Variants in ZFPM2 observed in about 807,000 individuals in gnomAD.
The protein encoded by ZFPM2 is zinc finger protein, FOG family member 2, also known as zinc finger protein ZFPM2.
Under a neutral mutation model 98.6 loss-of-function variants are expected in ZFPM2, and 20 were observed. The observed-to-expected ratio is 0.20, with a 90% CI of 0.14 to 0.29. The LOEUF (loss-of-function observed/expected upper bound fraction) is 0.29, where lower values mean the gene tolerates loss of function less well. ZFPM2 is among the 10% of genes least tolerant of loss of function. The probability of loss-of-function intolerance (pLI) is 1.00; values close to 1 mark genes in which losing one functional copy is unlikely to be tolerated. For synonymous variants in ZFPM2, 518 were observed against 502.7 expected (o/e 1.03, Z -0.41); for missense variants, 1,310 against 1,388.6 (o/e 0.94, Z 0.90).
At chr8:105,751,800 A>C (rs1812483972) in intron 5 of ZFPM2, among the ~76,000 whole-genome samples, 1 of 151,992 alleles carries the variant, frequency 6.6e-6, no homozygotes, top group Non-Finnish European at 1.5e-5. Context: ...TTGTTAAAAA[A>C]AAAAAAAAAG....
intron 5 of ZFPM2, among the ~76,000 whole-genome samples, chr8:105,696,793 A>G (rs1811028175): frequency 6.6e-6 from 1 of 152,160 alleles, no homozygotes; most frequent in Non-Finnish European, 1.5e-5. Flanking sequence ...CAGTTTCTGC[A>G]TGTAATTTTG....
At chr8:105,330,499 A>G (rs1318985923) in intron 1 of ZFPM2, among the ~76,000 whole-genome samples, 1 of 147,110 alleles carries the variant, frequency 6.8e-6, no homozygotes, top group Non-Finnish European at 1.5e-5. Flanking sequence ...TCTTCTATAT[A>G]GATTTATATG....
intron 1 of ZFPM2, among the ~76,000 whole-genome samples, chr8:105,402,915 A>G (rs528628464): frequency 6.6e-6 from 1 of 152,222 alleles, no homozygotes; most frequent in East Asian, 1.9e-4. Flanking sequence ...AACATTACAC[A>G]TAAATTTCAG....
intron 6 of ZFPM2, among the ~76,000 whole-genome samples, chr8:105,795,021 C>T (rs1057389762): frequency 2.6e-5 from 4 of 152,158 alleles, no homozygotes; most frequent in Non-Finnish European, 4.4e-5. Flanking sequence ...ACTCCTTGAC[C>T]CCTTGCGCTT....
At chr8:105,453,181 G>A (rs903387071) in intron 3 of ZFPM2, among the ~76,000 whole-genome samples, 2 of 152,126 alleles carry the variant, frequency 1.3e-5, no homozygotes, top group Admixed American at 6.6e-5. Context: ...TACATATTTA[G>A]TATTAACTAT....
chr8:105,601,109 C>T (rs763844580), intron 4 of ZFPM2, among the ~76,000 whole-genome samples: 3 of 152,090 alleles, frequency 2.0e-5, no homozygotes, highest in Non-Finnish European at 4.4e-5. Flanking sequence ...TGCTCCTGAA[C>T]TTATACTTGG....
intron 3 of ZFPM2, among the ~76,000 whole-genome samples, chr8:105,474,564 G>A (rs1812976085): frequency 6.6e-6 from 1 of 151,896 alleles, no homozygotes; most frequent in Non-Finnish European, 1.5e-5. Context: ...AAAATAAGAA[G>A]CAAGTTATCT....
At chr8:105,427,931 TCTTC>T (rs2130125814) in intron 2 of ZFPM2, among the ~76,000 whole-genome samples, 1 of 152,332 alleles carries the variant, frequency 6.6e-6, no homozygotes, top group South Asian at 2.1e-4. Flanking sequence ...AAGTCAGACA[TCTTC>T]CTGTGTATGT....
chr8:105,631,342 A>G (rs1258449040), intron 4 of ZFPM2, among the ~76,000 whole-genome samples: 2 of 152,198 alleles, frequency 1.3e-5, no homozygotes, highest in Admixed American at 6.5e-5. Flanking sequence ...AATAATATTA[A>G]TGATGATTAT....
chr8:105,387,375 G>T, intron 1 of ZFPM2: 1 of 160,984 alleles, frequency 6.2e-6, no homozygotes. Context: ...GCGCCGTAGA[G>T]CAGGCGGCAG....
intron 4 of ZFPM2, among the ~76,000 whole-genome samples, chr8:105,598,100 G>T (rs114433124): frequency 0.016 from 2,190 of 136,820 alleles, 53 homozygotes; most frequent in African/African-American, 0.056. Context: ...AAATAGCTGT[G>T]TTATTCTGCA....
chr8:105,589,250 T>C (rs1279330679), intron 4 of ZFPM2, among the ~76,000 whole-genome samples: 1 of 152,250 alleles, frequency 6.6e-6, no homozygotes, highest in Non-Finnish European at 1.5e-5. Flanking sequence ...TTTGGATGAC[T>C]GTCAGAAATA....
intron 2 of ZFPM2, among the ~76,000 whole-genome samples, chr8:105,429,465 T>C (rs1811977591): frequency 6.6e-6 from 1 of 150,398 alleles, no homozygotes; most frequent in Admixed American, 6.6e-5. Context: ...TATATATATA[T>C]GGAAATAGTG....
At chr8:105,662,569 T>C (rs1817411531) in intron 5 of ZFPM2, 1 of 151,988 alleles carries the variant, frequency 6.6e-6, no homozygotes. Context: ...ACGAAGCAGC[T>C]GCAGTATCCA....
At chr8:105,522,726 G>T (rs1197098484) in intron 3 of ZFPM2, among the ~76,000 whole-genome samples, 2 of 150,832 alleles carry the variant, frequency 1.3e-5, no homozygotes, top group African/African-American at 4.9e-5. Flanking sequence ...CTGCACTCCA[G>T]CAACAGAGCA....
At chr8:105,583,988 A>G (rs1815658243) in intron 4 of ZFPM2, among the ~76,000 whole-genome samples, 1 of 151,898 alleles carries the variant, frequency 6.6e-6, no homozygotes, top group Non-Finnish European at 1.5e-5. Context: ...GTTAATCACT[A>G]TTTTTCTGCT....
intron 4 of ZFPM2, among the ~76,000 whole-genome samples, chr8:105,579,323 G>A (rs1815536061): frequency 6.6e-6 from 1 of 152,262 alleles, no homozygotes; most frequent in African/African-American, 2.4e-5. Flanking sequence ...GTAAAAACTA[G>A]CCTTAAGATT....
At chr8:105,646,892 C>T (rs571858147) in intron 5 of ZFPM2, among the ~76,000 whole-genome samples, 1 of 152,124 alleles carries the variant, frequency 6.6e-6, no homozygotes, top group Non-Finnish European at 1.5e-5. Context: ...GCCTGTGCCC[C>T]TGGATCTAAA....
At chr8:105,343,655 A>C (rs768759858) in intron 1 of ZFPM2, among the ~76,000 whole-genome samples, 1 of 152,142 alleles carries the variant, frequency 6.6e-6, no homozygotes, top group African/African-American at 2.4e-5. Context: ...TGAGGATAGA[A>C]GACTACCTTG....
Sources: gnomAD v4.1 joint callset for allele counts (sites outside exome capture counted in the v4.1 genomes callset) on GRCh38, gnomAD v4.1.1 for gene constraint, MANE v1.5 for transcripts, NCBI Gene and HGNC (gene_info 2026-07-23, HGNC 2026-07-21) for gene names.